AGBL4: variants seen among roughly 807,000 people sequenced by gnomAD.
The protein encoded by AGBL4 is cytosolic carboxypeptidase 6.
A neutral mutation model predicts 66.4 loss-of-function variants in AGBL4; 58 were observed. The ratio of observed to expected loss-of-function variants is 0.87; its 90% CI spans 0.71 to 1.09. The LOEUF (loss-of-function observed/expected upper bound fraction) is 1.09. AGBL4 is among the 50% of genes least tolerant of loss of function. The pLI, the probability that AGBL4 is intolerant of heterozygous loss-of-function variation, is 0.00. For synonymous variants in AGBL4, 234 were observed against 222.9 expected (o/e 1.05, Z -0.44); for missense variants, 579 against 631.0 (o/e 0.92, Z 0.88).
intron 3 of AGBL4, among the ~76,000 whole-genome samples, chr1:49,540,930 T>C (rs939782113): frequency 6.6e-6 from 1 of 152,170 alleles, no homozygotes; most frequent in African/African-American, 2.4e-5. Flanking sequence ...AGTTTATATA[T>C]AATAATTGTA....
intron 1 of AGBL4, among the ~76,000 whole-genome samples, chr1:50,006,338 C>CA (rs56377281): frequency 0.014 from 1,011 of 74,434 alleles, 7 homozygotes; most frequent in African/African-American, 0.037. Flanking sequence ...GACTCCGCCT[C>CA]AAAAAAAAAA....
intron 4 of AGBL4, among the ~76,000 whole-genome samples, chr1:49,118,908 G>A (rs761902749): frequency 8.5e-5 from 13 of 152,062 alleles, no homozygotes; most frequent in Middle Eastern, 3.4e-3. Flanking sequence ...ATTCAACTTC[G>A]TCTTGGTTTA....
chr1:49,833,253 C>T (rs1340975192), intron 2 of AGBL4, among the ~76,000 whole-genome samples: 1 of 152,078 alleles, frequency 6.6e-6, no homozygotes, highest in Non-Finnish European at 1.5e-5. Flanking sequence ...AATAGGGAAT[C>T]CTTTCCCCAT....
chr1:49,549,015 C>A (rs1652736854), intron 3 of AGBL4, among the ~76,000 whole-genome samples: 1 of 151,912 alleles, frequency 6.6e-6, no homozygotes, highest in African/African-American at 2.4e-5. Context: ...TTGCATCTTT[C>A]CAGGAATTTA....
intron 5 of AGBL4, among the ~76,000 whole-genome samples, chr1:48,972,954 C>A (rs550717849): frequency 1.6e-4 from 24 of 152,210 alleles, no homozygotes; most frequent in African/African-American, 5.1e-4. Flanking sequence ...TATTACCAGG[C>A]TCATATAGAT....
intron 3 of AGBL4, among the ~76,000 whole-genome samples, chr1:49,320,658 C>T (rs1645116540): frequency 6.6e-6 from 1 of 152,208 alleles, no homozygotes; most frequent in South Asian, 2.1e-4. Context: ...GAGAGACACC[C>T]CTCACCACTA....
chr1:49,194,665 T>C (rs1418648728), intron 4 of AGBL4, among the ~76,000 whole-genome samples: 2 of 152,194 alleles, frequency 1.3e-5, no homozygotes, highest in African/African-American at 2.4e-5. Flanking sequence ...GGCTTGATTA[T>C]AGCTCCCCAC....
intron 1 of AGBL4, among the ~76,000 whole-genome samples, chr1:50,012,540 T>C (rs1661630246): frequency 6.6e-6 from 1 of 152,136 alleles, no homozygotes. Flanking sequence ...ATTAGCAATA[T>C]AAGAACATTT....
chr1:49,356,943 C>A (rs1237689057), intron 3 of AGBL4, among the ~76,000 whole-genome samples: 1 of 152,196 alleles, frequency 6.6e-6, no homozygotes, highest in African/African-American at 2.4e-5. Context: ...AGGTTTTCAG[C>A]CACCCCAAAT....
chr1:49,420,876 A>G (rs1395655348), intron 3 of AGBL4, among the ~76,000 whole-genome samples: 2 of 152,194 alleles, frequency 1.3e-5, no homozygotes, highest in African/African-American at 4.8e-5. Context: ...AATGAGGTGC[A>G]TAAGACAGCT....
chr1:48,735,959 G>A (rs903420782), intron 6 of AGBL4, among the ~76,000 whole-genome samples: 2 of 152,058 alleles, frequency 1.3e-5, no homozygotes, highest in African/African-American at 4.8e-5. Flanking sequence ...CCAGCTAAGG[G>A]TATCCTCCCC....
At chr1:49,846,361 C>T in intron 2 of AGBL4, 7 of 1,544,906 alleles carry the variant, frequency 4.5e-6, no homozygotes, top group Non-Finnish European at 6.2e-6. Context: ...TTACACACAG[C>T]ACCTCCCTTA....
chr1:48,966,077 T>C (rs1356525088), intron 5 of AGBL4, among the ~76,000 whole-genome samples: 9 of 152,252 alleles, frequency 5.9e-5, no homozygotes, highest in South Asian at 2.1e-4. Flanking sequence ...AAAATGAGCA[T>C]AATATTTTTC....
intron 6 of AGBL4, among the ~76,000 whole-genome samples, chr1:48,865,446 C>T (rs1647956027): frequency 6.6e-6 from 1 of 152,130 alleles, no homozygotes; most frequent in African/African-American, 2.4e-5. Flanking sequence ...ATTTGCAATA[C>T]ACCAGTGTGC....
chr1:49,928,876 C>G (rs1346553138), intron 1 of AGBL4, among the ~76,000 whole-genome samples: 1 of 151,644 alleles, frequency 6.6e-6, no homozygotes, highest in African/African-American at 2.4e-5. Flanking sequence ...ATATGTTCAT[C>G]GCAGCACTAT....
At position 49,740,270 on chromosome 1, in the gene AGBL4, C is replaced by T. The variant is rs574899508; in HGVS notation, c.158-42833G>A. Among the ~76,000 whole-genome samples the T allele has an allele frequency of 1.8e-4, 27 of 152,200 alleles. 1 individual carries two copies. In the South Asian group the frequency reaches 5.4e-3, roughly 30 times the overall value. ...CAATCCTAGTCTCTGATAAAACAGA[C>T]TTTAAACCAACAAAGATCAAAAGAG... is the stretch of plus-strand genomic sequence containing the variant. On this transcript the variant is annotated intron_variant, in intron 2 of 13. Transcript: ENST00000371839.
At chr1:49,987,159 C>A (rs77362586) in intron 1 of AGBL4, among the ~76,000 whole-genome samples, 4,283 of 152,130 alleles carry the variant, frequency 0.028, 170 homozygotes, top group African/African-American at 0.097. Flanking sequence ...TAATGCTTTG[C>A]AAGGCATTGT....
At chr1:49,013,765 C>G (rs1447455893) in intron 5 of AGBL4, among the ~76,000 whole-genome samples, 1 of 152,156 alleles carries the variant, frequency 6.6e-6, no homozygotes, top group Non-Finnish European at 1.5e-5. Flanking sequence ...GGGCACTTAA[C>G]CCTGCCACTT....
chr1:49,039,273 T>C (rs540348509), intron 5 of AGBL4, among the ~76,000 whole-genome samples: 1 of 152,250 alleles, frequency 6.6e-6, no homozygotes. Context: ...CAGGCCATTA[T>C]AAATTTGTCC....
Sources: gnomAD v4.1 joint callset for allele counts (sites outside exome capture counted in the v4.1 genomes callset) on GRCh38, gnomAD v4.1.1 for gene constraint, MANE v1.5 for transcripts, NCBI Gene and HGNC (gene_info 2026-07-23, HGNC 2026-07-21) for gene names.